Variants in GRIK5 observed in about 807,000 individuals in gnomAD.
GRIK5 encodes the protein glutamate receptor ionotropic, kainate 5.
GRIK5 carries 43 observed loss-of-function variants against 97.4 expected under a neutral mutation model. The observed-to-expected ratio is 0.44, with a 90% CI of 0.35 to 0.57. GRIK5 has a LOEUF of 0.57. Ranked by LOEUF, GRIK5 falls within the 20% of genes least tolerant of loss-of-function variation. The pLI is 0.01. For missense variants in GRIK5, 1,015 were observed against 1,382.0 expected (o/e 0.73, Z 4.21); for synonymous variants, 580 against 583.5 (o/e 0.99, Z 0.09).
chr19:42,022,300 T>C lies in GRIK5; in HGVS notation c.1528A>G (p.Ile510Val), dbSNP rs2075709641. The change falls in exon 13 of 20, where the codon ATC (isoleucine) becomes GTC (valine). Residue 510 changes from isoleucine to valine, a missense_variant. Around this residue, in one of 5 missense-constraint regions of GRIK5, gnomAD observed 477 missense variants for 701.1 expected, o/e 0.68. Coordinates refer to ENST00000593562, the MANE Select transcript of GRIK5 (RefSeq NM_002088.5). This position sits in a 1 kb window ranked among gnomAD's most constrained non-coding sequence, Gnocchi z 4.2. ...GTCATAAAGGGCTTGGAAAAGTCGATGACCTTCTCCCGCTCAGCTGTGATG... is the reference window on the plus strand; with the variant it reads ...GTCATAAAGGGCTTGGAAAAGTCGACGACCTTCTCCCGCTCAGCTGTGATG... ...FTITAEREKV[I>V]DFSKPFMTLG... 3 of 1,613,988 alleles carry C rather than the reference T, an allele frequency of 1.9e-6. No homozygotes were observed. The highest frequency in any genetic ancestry group is 1.3e-5 in the African/African-American group (1 of 74,918).
Position 42,048,493 on chromosome 19 carries a change from G to A in GRIK5, c.1269+5109C>T, listed in dbSNP as rs566637089. Among the ~76,000 whole-genome samples, 484 of 152,244 alleles carry A rather than the reference G, an allele frequency of 3.2e-3. 1 individual carries two copies. The highest frequency in any genetic ancestry group is 5.0e-3 in the Non-Finnish European group (339 of 68,014). On this transcript the variant is annotated intron_variant, in intron 11 of 19. Coordinates refer to ENST00000593562, the MANE Select transcript of GRIK5 (RefSeq NM_002088.5). ...AAATTAGCCGGGCGTGGTGGCAGGCGCCTGTAGTCCCAGCTACTTGGGAGG... is the reference window on the plus strand; with the variant it reads ...AAATTAGCCGGGCGTGGTGGCAGGCACCTGTAGTCCCAGCTACTTGGGAGG...
In GRIK5 at chr19:42,013,739, A is replaced by C. The variant is rs556126746; in HGVS notation, c.1872-6929T>G. On this transcript the variant is annotated intron_variant, in intron 15 of 19. Transcript: ENST00000593562. ...AGCATCTTTACTTAGAGAAAACATA[A>C]ATGTTTGAGGTGATGGATTTCCCAA... 1.8e-3 allele frequency among the ~76,000 whole-genome samples: 279 copies of C among 152,188 alleles called. 1 individual carries two copies. The Middle Eastern group carries it at 0.027, about 15-fold the overall frequency.
chr19:42,053,771 C>A (rs1568923310), intron 10 of GRIK5, 54 bp downstream of exon 10: 31 of 1,542,214 alleles, frequency 2.0e-5, no homozygotes, highest in South Asian at 8.9e-5. Context: ...AGCCTCTGGG[C>A]CCGCCCCCAC....
chr19:42,049,183 A>C lies in GRIK5; in HGVS notation c.1269+4419T>G, dbSNP rs532710260. Among the ~76,000 whole-genome samples the C allele has an allele frequency of 9.5e-4, 144 of 152,320 alleles. 2 individuals carry two copies. Among genetic ancestry groups the C allele is most frequent in the African/African-American group, 3.4e-3 (141 of 41,582 alleles). ...CTCACCACTGACAAACCGAGTAGCAAGTGGAATTTTCATTCATTCGCTGCC... is the reference window on the plus strand; with the variant it reads ...CTCACCACTGACAAACCGAGTAGCACGTGGAATTTTCATTCATTCGCTGCC... On this transcript the variant is annotated intron_variant, in intron 11 of 19. Transcript: ENST00000593562.
chr19:42,024,503 G>A (rs1002777144), intron 12 of GRIK5, among the ~76,000 whole-genome samples: 2 of 152,098 alleles, frequency 1.3e-5, no homozygotes, highest in Non-Finnish European at 2.9e-5. Flanking sequence ...GTGAGCCACC[G>A]CGCCTGGCCT....
chr19:42,034,085 G>C (rs1325127784), intron 12 of GRIK5, among the ~76,000 whole-genome samples: 1 of 152,200 alleles, frequency 6.6e-6, no homozygotes, highest in Non-Finnish European at 1.5e-5. Context: ...GCCAAGGCCA[G>C]GCATGGTGGC....
In GRIK5 at chr19:42,065,599, C is replaced by G; in HGVS notation, c.79+93G>C. On this transcript the variant is annotated intron_variant, in intron 2 of 19. Transcript: ENST00000593562. This position sits in a 1 kb window ranked among gnomAD's most constrained non-coding sequence, Gnocchi z 5.8. ...TGGGATTCCTTGCTGCTGAAGAGAG[C>G]TGAGACCTGGACCCTGACGGACTGG... is the stretch of plus-strand genomic sequence containing the variant. 1.7e-6 allele frequency: 2 copies of G among 1,163,502 alleles called. No homozygotes were observed. Among genetic ancestry groups the G allele is most frequent in the Non-Finnish European group, 2.5e-6 (2 of 810,686 alleles). The allele number at this position is 1,163,502 out of a possible 1,614,324, so 72.1% of individuals were successfully genotyped here.
chr19:42,015,562 G>A (rs1158893529), intron 15 of GRIK5, among the ~76,000 whole-genome samples: 1 of 152,236 alleles, frequency 6.6e-6, no homozygotes, highest in Non-Finnish European at 1.5e-5. Flanking sequence ...TTGGAAGTGT[G>A]CTGCAGTTTC....
Position 42,022,482 on chromosome 19 carries a change from G to C in GRIK5, c.1474-128C>G, listed in dbSNP as rs1374865132. On this transcript the variant is annotated intron_variant, in intron 12 of 19. Transcript: ENST00000593562. This position sits in a 1 kb window ranked among gnomAD's most constrained non-coding sequence, Gnocchi z 4.2. ...AGAGAGAGAGAGGTAGGGAGGGGGA[G>C]GGGCCAGGAGCATGGACTGACTCCA... The C allele has an allele frequency of 3.4e-5, 50 of 1,476,046 alleles. No homozygotes were observed. The highest frequency in any genetic ancestry group is 4.1e-5 in the Non-Finnish European group (46 of 1,113,450). 91.4% of individuals were successfully genotyped at this position (1,476,046 alleles called of 1,614,324 possible).
chr19:42,056,112 A>G (rs990566800), intron 8 of GRIK5, among the ~76,000 whole-genome samples: 7 of 152,014 alleles, frequency 4.6e-5, no homozygotes, highest in Non-Finnish European at 8.8e-5. Flanking sequence ...CAGCCTCCCA[A>G]GTAGCTGGAT....
intron 15 of GRIK5, among the ~76,000 whole-genome samples, chr19:42,020,260 G>C (rs1366799780): frequency 6.6e-6 from 1 of 152,186 alleles, no homozygotes; most frequent in African/African-American, 2.4e-5. Flanking sequence ...CACCTATTAA[G>C]GTTAGTCTTG....
chr19:42,008,017 C>T (rs141664401), intron 15 of GRIK5, among the ~76,000 whole-genome samples: 2 of 151,942 alleles, frequency 1.3e-5, no homozygotes, highest in East Asian at 3.9e-4. Context: ...GCAATGTAAA[C>T]AATGTCTGTT....
chr19:42,059,334 A>T lies in GRIK5; in HGVS notation c.687+15T>A, dbSNP rs780562474. ...TGGCCCCAGTCCTTTGGGAAATCAG[A>T]GGTAGGGGCCTCACCTTACGGAGGA... is the stretch of plus-strand genomic sequence containing the variant. On this transcript the variant is annotated intron_variant, in intron 6 of 19. Transcript: ENST00000593562. The T allele has an allele frequency of 6.3e-7, 1 of 1,594,870 alleles. No homozygotes were observed. The highest frequency in any genetic ancestry group is 1.7e-5 in the Admixed American group (1 of 59,616).
rs572097268 is a variant in GRIK5, at chr19:42,070,071, GCCGGCTCCAGTCC to G, written c.-894_-882del. 0.013 allele frequency among the ~76,000 whole-genome samples: 1,931 copies of G among 152,180 alleles called. 15 individuals are homozygous for G. The highest frequency in any genetic ancestry group is 0.021 in the Non-Finnish European group (1,452 of 67,962). The stretch of plus-strand genomic sequence containing the variant: ...ACACACTCCTGGTCCCCTGTGAGGA[GCCGGCTCCAGTCC>G]CCGGCTCCAGTCCCCGGCTGGGCCT... On this transcript the variant is annotated 5_prime_UTR_variant, in exon 1 of 20. Transcript: ENST00000593562.
chr19:42,006,014 T>C lies in GRIK5; in HGVS notation c.2038-66A>G. 1.2e-6 allele frequency: 1 copy of C among 815,278 alleles called. No individual in the cohort carries two copies. Among genetic ancestry groups the C allele is most frequent in the East Asian group, 2.7e-5 (1 of 37,514 alleles). 50.5% of individuals were successfully genotyped at this position (815,278 alleles called of 1,614,324 possible). On this transcript the variant is annotated intron_variant, in intron 16 of 19. Coordinates refer to ENST00000593562, the MANE Select transcript of GRIK5 (RefSeq NM_002088.5). The surrounding 1 kb of genome is among the most constrained non-coding windows in gnomAD (Gnocchi z 5.3). ...CCAGCCGCTTCCTTTCCCCGAGCCCTTCCCATCCTCCAGGAAGTCTCCCTC... is the reference window on the plus strand; with the variant it reads ...CCAGCCGCTTCCTTTCCCCGAGCCCCTCCCATCCTCCAGGAAGTCTCCCTC...
chr19:42,005,665 C>T, intron 17 of GRIK5, 58 bp downstream of exon 17: 1 of 1,257,422 alleles, frequency 8.0e-7, no homozygotes, highest in Non-Finnish European at 1.2e-6. Context: ...TGGGCCTGCT[C>T]ACAGGTGGTT....
chr19:42,052,956 T>A (rs1463393467), intron 11 of GRIK5, among the ~76,000 whole-genome samples: 1 of 152,204 alleles, frequency 6.6e-6, no homozygotes, highest in Non-Finnish European at 1.5e-5. Context: ...CCGTGAGGTC[T>A]AAAGAATGAC....
At chr19:42,045,529 T>A (rs1248042554) in intron 11 of GRIK5, among the ~76,000 whole-genome samples, 1 of 152,190 alleles carries the variant, frequency 6.6e-6, no homozygotes, top group African/African-American at 2.4e-5. Flanking sequence ...ATTGTTTCAG[T>A]TTCTGGGTTC....
rs191017205 is a variant in GRIK5 at position 42,033,330 on chromosome 19, A to C, written c.1473+9222T>G. On this transcript the variant is annotated intron_variant, in intron 12 of 19. Transcript: ENST00000593562. ...AAGACTCCGTCTCAAAAAAAAAAAA[A>C]AAAAAAAAACGGAATGCAGTACTGG... 3.9e-4 allele frequency among the ~76,000 whole-genome samples: 59 copies of C among 152,106 alleles called. No individual in the cohort carries two copies. In the East Asian group the frequency reaches 7.2e-3, roughly 18 times the overall value.
Sources: allele counts gnomAD v4.1 joint callset (sites outside exome capture counted in the v4.1 genomes callset), GRCh38; gene constraint gnomAD v4.1.1; regional missense constraint gnomAD v4.1.1; non-coding constraint Gnocchi (gnomAD v3.1); transcripts MANE v1.5; gene names NCBI Gene and HGNC (gene_info 2026-07-23, HGNC 2026-07-21).